Variants in TCF20 observed in about 807,000 individuals in gnomAD.
TCF20 encodes the protein transcription factor 20.
Under a neutral mutation model 148.6 loss-of-function variants are expected in TCF20, and 3 were observed. That is an observed-to-expected ratio of 0.02 (90% CI 0.01 to 0.05). The LOEUF is 0.05. Among genes scored for constraint, TCF20 ranks in the 10% least tolerant of loss-of-function variants. TCF20 has a pLI of 1.00. For synonymous variants in TCF20, 1,049 were observed against 909.5 expected (o/e 1.15, Z -2.76); for missense variants, 2,350 against 2,429.3 (o/e 0.97, Z 0.69).
intron 1 of TCF20, among the ~76,000 whole-genome samples, chr22:42,258,315 T>TAC (rs1338299566): frequency 6.6e-6 from 1 of 152,078 alleles, no homozygotes; most frequent in African/African-American, 2.4e-5. Flanking sequence ...GAGTACTCCT[T>TAC]ACATTCCTGC....
In TCF20 at chr22:42,215,087, G is replaced by A. The variant is rs771871486; in HGVS notation, c.219C>T (p.Thr73=). ...AAAAAAMASE[T]SGHQGYQGFR... ...AACCCTGGTAACCTTGATGGCCAGA[G>A]GTCTCGCTAGCCATCGCTGCCGCAG... The change falls in exon 2 of 6, where the codon ACC becomes ACT. Residue 73 remains threonine (T), a synonymous_variant. Coordinates refer to ENST00000677622, the MANE Select transcript of TCF20 (RefSeq NM_001378418.1). 117 of 1,614,096 alleles carry A rather than the reference G, an allele frequency of 7.2e-5. 1 individual carries two copies. The highest frequency in any genetic ancestry group is 1.6e-4 in the Middle Eastern group (1 of 6,084).
intron 1 of TCF20, among the ~76,000 whole-genome samples, chr22:42,239,104 C>A (rs932099425): frequency 1.4e-5 from 2 of 146,438 alleles, no homozygotes; most frequent in Non-Finnish European, 3.0e-5. Flanking sequence ...GGCGACAGAG[C>A]GAGACTCCAT....
intron 4 of TCF20, among the ~76,000 whole-genome samples, chr22:42,169,596 C>A (rs1193115057): frequency 1.3e-5 from 2 of 152,234 alleles, no homozygotes; most frequent in African/African-American, 4.8e-5. Flanking sequence ...AATGAACAGA[C>A]AAACACCCCC....
chr22:42,213,002 A>G lies in TCF20; in HGVS notation c.2304T>C (p.Tyr768=), dbSNP rs148470365. The G allele has an allele frequency of 1.9e-5, 31 of 1,614,004 alleles. No individual in the cohort carries two copies. Among genetic ancestry groups the G allele is most frequent in the African/African-American group, 1.9e-4 (14 of 74,920 alleles). The part of the protein sequence containing the change: ...QGYHHHPDRR[Y]SRSTQEHQGM... ...CCTGATGCTCTTGAGTACTCCTAGA[A>G]TATCTCCTGTCAGGGTGGTGGTGGT... Residue 768 remains tyrosine, a synonymous_variant, in exon 2 of 6, where the codon TAT becomes TAC. Transcript: ENST00000677622.
Position 42,241,725 on chromosome 22 carries a change from G to A in TCF20, c.-36-26384C>T, listed in dbSNP as rs557454950. On this transcript the variant is annotated intron_variant, in intron 1 of 5. Transcript: ENST00000677622. The stretch of plus-strand genomic sequence containing the variant: ...ACCTGTGGTCCCAGCTACTCGAGAG[G>A]TTAAGGCACAAGAACTGCTTGAACC... Among the ~76,000 whole-genome samples the A allele has an allele frequency of 2.6e-5, 4 of 152,206 alleles. No homozygotes were observed. In the South Asian group the frequency reaches 8.3e-4, roughly 32 times the overall value.
chr22:42,190,352 C>T (rs1437106308), intron 2 of TCF20, among the ~76,000 whole-genome samples: 1 of 152,108 alleles, frequency 6.6e-6, no homozygotes, highest in African/African-American at 2.4e-5. Flanking sequence ...CCCAGCTATT[C>T]AGGAGGCTGA....
intron 2 of TCF20, among the ~76,000 whole-genome samples, chr22:42,193,592 T>C (rs1937450006): frequency 6.6e-6 from 1 of 152,058 alleles, no homozygotes; most frequent in Non-Finnish European, 1.5e-5. Context: ...CCTCCTGAAG[T>C]GATGGGATTA....
intron 2 of TCF20, among the ~76,000 whole-genome samples, chr22:42,201,577 C>G (rs1047412911): frequency 6.6e-6 from 1 of 151,996 alleles, no homozygotes; most frequent in African/African-American, 2.4e-5. Flanking sequence ...AGATCAGCCT[C>G]GCCAACATGG....
chr22:42,225,567 T>C (rs1269220323), intron 1 of TCF20, among the ~76,000 whole-genome samples: 7 of 148,782 alleles, frequency 4.7e-5, no homozygotes, highest in South Asian at 2.1e-4. Context: ...TGAGCCGAGA[T>C]TGCGCCACTG....
intron 1 of TCF20, among the ~76,000 whole-genome samples, chr22:42,228,226 A>C (rs1601625937): frequency 6.6e-6 from 1 of 152,182 alleles, no homozygotes; most frequent in Non-Finnish European, 1.5e-5. Context: ...GCATGGGTGA[A>C]TGTGGTGTTG....
intron 1 of TCF20, among the ~76,000 whole-genome samples, chr22:42,303,524 G>A (rs375576351): frequency 6.6e-6 from 1 of 152,262 alleles, no homozygotes; most frequent in East Asian, 1.9e-4. Flanking sequence ...CCAGCCGAGG[G>A]CATGAGTATG....
At chr22:42,201,345 T>A (rs1436782555) in intron 2 of TCF20, among the ~76,000 whole-genome samples, 1 of 152,200 alleles carries the variant, frequency 6.6e-6, no homozygotes, top group East Asian at 1.9e-4. Flanking sequence ...ATTCACTGTT[T>A]TAGGGGAGGA....
chr22:42,212,550 G>A lies in TCF20; in HGVS notation c.2756C>T (p.Thr919Ile). Residue 919 changes from threonine (T) to isoleucine (I), a missense_variant, in exon 2 of 6, where the codon ACC (threonine) becomes ATC (isoleucine). Thr to Ile is a moderately conservative substitution (Grantham distance 89, BLOSUM62 -1). This residue lies in a region of TCF20 where 1,641 missense variants were observed against 1,662.6 expected (regional missense o/e 0.99). Transcript: ENST00000677622. ...CTGCCCGCTCTGGGATTTCAGCTTG[G>A]TTTCCATGGACACCAAACCACCAGG... ...ILPGGLVSME[T>I]KLKSQSGQIK... The A allele has an allele frequency of 6.2e-7, 1 of 1,613,934 alleles. No homozygotes were observed. The highest frequency in any genetic ancestry group is 8.5e-7 in the Non-Finnish European group (1 of 1,179,814).
chr22:42,222,543 TC>T (rs1030231574), intron 1 of TCF20, among the ~76,000 whole-genome samples: 36 of 152,042 alleles, frequency 2.4e-4, no homozygotes, highest in African/African-American at 8.2e-4. Context: ...TTTCTGCTTC[TC>T]CCCACCCTCT....
At chr22:42,208,926 C>T (rs1938579086) in intron 2 of TCF20, among the ~76,000 whole-genome samples, 1 of 152,152 alleles carries the variant, frequency 6.6e-6, no homozygotes, top group Non-Finnish European at 1.5e-5. Context: ...ATTTTGACAT[C>T]TCAAGACCCT....
chr22:42,192,710 T>C (rs1289845172), intron 2 of TCF20, among the ~76,000 whole-genome samples: 1 of 152,210 alleles, frequency 6.6e-6, no homozygotes, highest in Non-Finnish European at 1.5e-5. Flanking sequence ...AGTGGGGTCA[T>C]TTAATTTGGC....
chr22:42,265,083 G>C (rs1926212129), intron 1 of TCF20, among the ~76,000 whole-genome samples: 1 of 152,192 alleles, frequency 6.6e-6, no homozygotes, highest in Admixed American at 6.5e-5. Flanking sequence ...TCATGTTATA[G>C]TTCATCTTCC....
chr22:42,266,924 C>T (rs1926318092), intron 1 of TCF20, among the ~76,000 whole-genome samples: 1 of 152,206 alleles, frequency 6.6e-6, no homozygotes, highest in Non-Finnish European at 1.5e-5. Flanking sequence ...AATTTTTTCC[C>T]TTGTAAGTTT....
At chr22:42,300,024 C>A (rs1427017131) in intron 1 of TCF20, among the ~76,000 whole-genome samples, 1 of 152,046 alleles carries the variant, frequency 6.6e-6, no homozygotes, top group Non-Finnish European at 1.5e-5. Context: ...TCCCCAGCCG[C>A]AAAGCAGTCA....
Sources: allele counts gnomAD v4.1 joint callset (sites outside exome capture counted in the v4.1 genomes callset), GRCh38; gene constraint gnomAD v4.1.1; regional missense constraint gnomAD v4.1.1; transcripts MANE v1.5; gene names NCBI Gene and HGNC (gene_info 2026-07-23, HGNC 2026-07-21).